The following FECH variants were observed in gnomAD, a reference collection of about 807,000 sequenced individuals.
The protein encoded by FECH is ferrochelatase, mitochondrial.
In FECH, 40 loss-of-function variants were observed where a neutral mutation model predicts 56.9. The observed-to-expected ratio is 0.70, with a 90% CI of 0.55 to 0.92. The LOEUF (loss-of-function observed/expected upper bound fraction) is 0.92, where lower values mean the gene tolerates loss of function less well. Among genes scored for constraint, FECH ranks in the 40% least tolerant of loss-of-function variants. The pLI is 0.00. For synonymous variants in FECH, 175 were observed against 198.6 expected (o/e 0.88, Z 1.00); for missense variants, 431 against 529.1 (o/e 0.81, Z 1.82).
intron 2 of FECH, among the ~76,000 whole-genome samples, chr18:57,574,389 G>T (rs112370525): frequency 7.1e-4 from 108 of 152,258 alleles, no homozygotes; most frequent in African/African-American, 2.4e-3. Context: ...TCTCCATCCT[G>T]CATGTAAATT....
At chr18:57,578,380 G>A (rs2051213999) in intron 2 of FECH, among the ~76,000 whole-genome samples, 1 of 152,190 alleles carries the variant, frequency 6.6e-6, no homozygotes, top group Admixed American at 6.5e-5. Context: ...TTTGGTTCTG[G>A]CCAGGCACGG....
chr18:57,568,662 C>T (rs1004719407), intron 4 of FECH, among the ~76,000 whole-genome samples: 4 of 152,094 alleles, frequency 2.6e-5, no homozygotes, highest in Admixed American at 2.6e-4. Context: ...GCCTAGCTTA[C>T]GTACCCTCAG....
At chr18:57,559,948 G>T (rs2050920425) in intron 6 of FECH, among the ~76,000 whole-genome samples, 1 of 152,168 alleles carries the variant, frequency 6.6e-6, no homozygotes, top group Non-Finnish European at 1.5e-5. Flanking sequence ...CCTTCGTCTA[G>T]CCGGCACTTT....
At chr18:57,563,037 A>T in intron 5 of FECH, 57 bp from the exon 6 acceptor site, 1 of 1,395,508 alleles carries the variant, frequency 7.2e-7, no homozygotes, top group Non-Finnish European at 1.0e-6. Flanking sequence ...AAAATAAAAA[A>T]CAGACTCGTA....
chr18:57,562,182 G>C (rs781709021), intron 6 of FECH, among the ~76,000 whole-genome samples: 12 of 152,116 alleles, frequency 7.9e-5, no homozygotes, highest in Non-Finnish European at 1.2e-4. Context: ...CTCAAAAGCA[G>C]AAACTTCTAC....
At chr18:57,563,939 C>T (rs1163818151) in intron 5 of FECH, among the ~76,000 whole-genome samples, 7 of 152,080 alleles carry the variant, frequency 4.6e-5, no homozygotes, top group South Asian at 4.1e-4. Flanking sequence ...AGTGCAGTGG[C>T]GCGATCTCAG....
chr18:57,571,790 T>C (rs1313107876), intron 3 of FECH, among the ~76,000 whole-genome samples: 1 of 152,136 alleles, frequency 6.6e-6, no homozygotes, highest in African/African-American at 2.4e-5. Flanking sequence ...CACCTGAAGA[T>C]TCAGGACACA....
rs368806729 is a variant in FECH at position 57,554,819 on chromosome 18, C to T, written c.912+26G>A. 261 of 1,573,496 alleles carry T rather than the reference C, an allele frequency of 1.7e-4. No individual in the cohort carries two copies. In the African/African-American group the frequency reaches 2.6e-3, roughly 15 times the overall value. On this transcript the variant is annotated intron_variant, in intron 8 of 10. Transcript: ENST00000262093. The stretch of plus-strand genomic sequence containing the variant: ...ATAAATTTTACCAATAAGAGCTGGC[C>T]GCCCGCCAGTGTGGAAGCCACTTAC...
intron 1 of FECH, among the ~76,000 whole-genome samples, chr18:57,580,404 G>A (rs1301555797): frequency 3.9e-5 from 6 of 152,046 alleles, no homozygotes; most frequent in South Asian, 4.2e-4. Context: ...TAGGATGGCC[G>A]ATGAGAGCCT....
chr18:57,553,551 T>G (rs751898703), intron 9 of FECH, among the ~76,000 whole-genome samples: 1 of 152,166 alleles, frequency 6.6e-6, no homozygotes, highest in Non-Finnish European at 1.5e-5. Context: ...CCCATAAAAA[T>G]AAAGCTATAT....
rs2050717850 is a variant in FECH, at chr18:57,546,212, A to T, written c.*4500T>A. Among the ~76,000 whole-genome samples, 1 of 152,142 alleles carries T rather than the reference A, an allele frequency of 6.6e-6. No individual in the cohort carries two copies. The highest frequency in any genetic ancestry group is 2.1e-4 in the South Asian group (1 of 4,820). ...TTTCAGGTGAGGTGAGAAGGTTAAG[A>T]GGTGAATTGGAGGTTCTTGGCTGAT... On this transcript the variant is annotated 3_prime_UTR_variant, in exon 11 of 11. Coordinates refer to ENST00000262093, the MANE Select transcript of FECH (RefSeq NM_000140.5).
At chr18:57,553,628 C>T (rs188528812) in intron 9 of FECH, among the ~76,000 whole-genome samples, 3 of 152,322 alleles carry the variant, frequency 2.0e-5, no homozygotes, top group African/African-American at 7.2e-5. Flanking sequence ...TTTCTCCTCC[C>T]TGAATGACAA....
At chr18:57,559,517 TC>T (rs930670729) in intron 6 of FECH, among the ~76,000 whole-genome samples, 1 of 152,000 alleles carries the variant, frequency 6.6e-6, no homozygotes, top group African/African-American at 2.4e-5. Context: ...TGGATCTGCT[TC>T]CCCTCGGGAA....
Position 57,545,402 on chromosome 18 carries a change from A to T in FECH, c.*5310T>A, listed in dbSNP as rs1352748753. Among the ~76,000 whole-genome samples, 2 of 152,252 alleles carry T rather than the reference A, an allele frequency of 1.3e-5. No individual in the cohort carries two copies. The highest frequency in any genetic ancestry group is 4.8e-5 in the African/African-American group (2 of 41,466). ...CACAGTATGTTGTAAGAAACTGATT[A>T]TCATGGGGTGCATTTTTCACTTCCT... On this transcript the variant is annotated 3_prime_UTR_variant, in exon 11 of 11. Coordinates refer to ENST00000262093, the MANE Select transcript of FECH (RefSeq NM_000140.5).
Position 57,551,248 on chromosome 18 carries a change from T to C in FECH, c.1137+67A>G, listed in dbSNP as rs750698607. On this transcript the variant is annotated intron_variant, in intron 10 of 10. Coordinates refer to ENST00000262093, the MANE Select transcript of FECH (RefSeq NM_000140.5). Reference sequence around the variant, plus strand: ...TAATATGTGAGAAAAACCAATATTCTGCAAGAGTTTCTCAGAGGATTACTC... The same window carrying C: ...TAATATGTGAGAAAAACCAATATTCCGCAAGAGTTTCTCAGAGGATTACTC... 2.8e-5 allele frequency: 33 copies of C among 1,185,144 alleles called. No homozygotes were observed. In the East Asian group the frequency reaches 7.7e-4, roughly 28 times the overall value. 73.4% of individuals were successfully genotyped at this position (1,185,144 alleles called of 1,614,324 possible).
chr18:57,561,601 T>G lies in FECH; in HGVS notation c.705+1273A>C, dbSNP rs540419289. Among the ~76,000 whole-genome samples the G allele has an allele frequency of 2.6e-5, 4 of 152,360 alleles. No homozygotes were observed. In the East Asian group the frequency reaches 7.7e-4, roughly 29 times the overall value. Reference sequence around the variant, plus strand: ...AGATAAATGCCTCTAAAATTCCCTTTCATTTTATGAACAGAGACTTCCTCA... The same window carrying G: ...AGATAAATGCCTCTAAAATTCCCTTGCATTTTATGAACAGAGACTTCCTCA... On this transcript the variant is annotated intron_variant, in intron 6 of 10. Coordinates refer to ENST00000262093, the MANE Select transcript of FECH (RefSeq NM_000140.5).
chr18:57,586,605 CG>C lies in FECH; in HGVS notation c.15del (p.Ala6GlnfsTer67). 6.6e-7 allele frequency: 1 copy of C among 1,523,002 alleles called. No individual in the cohort carries two copies. Among genetic ancestry groups the C allele is most frequent in the Non-Finnish European group, 8.8e-7 (1 of 1,141,948 alleles). The allele number at this position is 1,523,002 out of a possible 1,614,324, so 94.3% of individuals were successfully genotyped here. ...GCGCGCAGGGCCGCAGCCATGTTTG[CG>C]CCGAGTGAACGCATTGCCTGGGCAG... is the stretch of plus-strand genomic sequence containing the variant. MRSL[G>X]ANMAAALRAA... On this transcript the variant is annotated frameshift_variant, in exon 1 of 11. Coordinates refer to ENST00000262093, the MANE Select transcript of FECH (RefSeq NM_000140.5). LOFTEE classifies it high-confidence loss of function.
At position 57,561,802 on chromosome 18, in the gene FECH, A is replaced by ATTT. The variant is rs2050947256; in HGVS notation, c.705+1071_705+1072insAAA. On this transcript the variant is annotated intron_variant, in intron 6 of 10. Coordinates refer to ENST00000262093, the MANE Select transcript of FECH (RefSeq NM_000140.5). ...CCTCCTTTCCAATCGCAGGCCTCCC[A>ATTT]AAGCAAAACCCAGGCTGCTGGTGCT... Among the ~76,000 whole-genome samples the ATTT allele has an allele frequency of 2.0e-5, 3 of 152,326 alleles. No individual in the cohort carries two copies. In the South Asian group the frequency reaches 6.2e-4, roughly 32 times the overall value.
chr18:57,581,658 G>A (rs12957538), intron 1 of FECH, among the ~76,000 whole-genome samples: 57,107 of 152,084 alleles, frequency 0.38, 11,857 homozygotes, highest in Non-Finnish European at 0.48. Context: ...CTGAGCCTGA[G>A]TTTCCCCACC....
Sources: gnomAD v4.1 joint callset for allele counts (sites outside exome capture counted in the v4.1 genomes callset) on GRCh38, gnomAD v4.1.1 for gene constraint, MANE v1.5 for transcripts, NCBI Gene and HGNC (gene_info 2026-07-23, HGNC 2026-07-21) for gene names.